Variants in MYO1D observed in about 807,000 individuals in gnomAD.
The protein encoded by MYO1D is myosin ID.
A neutral mutation model predicts 122.0 loss-of-function variants in MYO1D; 83 were observed. That is an observed-to-expected ratio of 0.68 (90% CI 0.57 to 0.82). The LOEUF (loss-of-function observed/expected upper bound fraction) is 0.82, where lower values mean the gene tolerates loss of function less well. Among genes scored for constraint, MYO1D ranks in the 40% least tolerant of loss-of-function variants. MYO1D has a pLI of 0.00. For synonymous variants in MYO1D, 464 were observed against 446.9 expected, an observed-to-expected ratio of 1.04 and a Z score of -0.48; for missense variants, 1,157 against 1,269.5, an observed-to-expected ratio of 0.91 and a Z score of 1.35.
At position 32,649,045 on chromosome 17, in the gene MYO1D, C is replaced by T. The variant is rs146871914; in HGVS notation, c.2595+4798G>A. ...ATCACTTTATGGTATAAAAACCATA[C>T]GACAGTATATTTCCATTTCCCCCAT... On this transcript the variant is annotated intron_variant, in intron 19 of 21. Coordinates refer to ENST00000318217, the MANE Select transcript of MYO1D (RefSeq NM_015194.3). Among the ~76,000 whole-genome samples the T allele has an allele frequency of 5.8e-4, 88 of 152,186 alleles. 1 individual carries two copies. Among genetic ancestry groups the T allele is most frequent in the African/African-American group, 6.5e-4 (27 of 41,530 alleles).
At chr17:32,710,771 G>T (rs745902445) in intron 16 of MYO1D, among the ~76,000 whole-genome samples, 7 of 152,154 alleles carry the variant, frequency 4.6e-5, no homozygotes, top group Admixed American at 6.5e-5. Flanking sequence ...AACAAAGTAT[G>T]AATAGACAGT....
chr17:32,611,286 A>G (rs2150918764), intron 20 of MYO1D, among the ~76,000 whole-genome samples: 1 of 152,392 alleles, frequency 6.6e-6, no homozygotes, highest in African/African-American at 2.4e-5. Flanking sequence ...CGAAAAGACA[A>G]ATATGATAAA....
At position 32,492,916 on chromosome 17, in the gene MYO1D, G is replaced by GC; in HGVS notation, c.*1842dup. ...GAGGCCCTGGCGCTGGGGCTAAGGG[G>GC]CCCAAGGCACCATCCAAAGGCTGGG... is the stretch of plus-strand genomic sequence containing the variant. On this transcript the variant is annotated 3_prime_UTR_variant, in exon 22 of 22. Coordinates refer to ENST00000318217, the MANE Select transcript of MYO1D (RefSeq NM_015194.3). 6.6e-6 allele frequency: 1 copy of GC among 152,666 alleles called. No individual in the cohort carries two copies. The highest frequency in any genetic ancestry group is 3.4e-3 in the Middle Eastern group (1 of 294). 9.5% of individuals were successfully genotyped at this position (152,666 alleles called of 1,614,324 possible).
At chr17:32,807,636 C>T (rs2090528210) in intron 1 of MYO1D, among the ~76,000 whole-genome samples, 1 of 152,220 alleles carries the variant, frequency 6.6e-6, no homozygotes, top group African/African-American at 2.4e-5. Flanking sequence ...GATACACACA[C>T]ACTTCTGGGC....
At chr17:32,821,534 TCACACATA>T (rs963480285) in intron 1 of MYO1D, among the ~76,000 whole-genome samples, 5 of 143,146 alleles carry the variant, frequency 3.5e-5, no homozygotes, top group African/African-American at 7.6e-5. Context: ...GATAAGTAAA[TCACACATA>T]CACACACACA....
intron 14 of MYO1D, among the ~76,000 whole-genome samples, chr17:32,725,911 A>T (rs769097101): frequency 3.3e-5 from 5 of 152,362 alleles, no homozygotes; most frequent in Non-Finnish European, 7.3e-5. Flanking sequence ...ACTTCTCAAA[A>T]GAAACTATGA....
intron 20 of MYO1D, among the ~76,000 whole-genome samples, chr17:32,617,661 G>T (rs1253360407): frequency 1.3e-5 from 2 of 152,064 alleles, no homozygotes; most frequent in East Asian, 3.9e-4. Context: ...GGCTGGTCTC[G>T]AACTCTTAGC....
intron 15 of MYO1D, among the ~76,000 whole-genome samples, chr17:32,712,424 C>T (rs779896190): frequency 6.6e-6 from 1 of 152,166 alleles, no homozygotes; most frequent in East Asian, 1.9e-4. Context: ...CAAGCTCATA[C>T]AGTCTATTTG....
chr17:32,717,235 T>C (rs776836706), intron 15 of MYO1D, among the ~76,000 whole-genome samples: 4 of 152,248 alleles, frequency 2.6e-5, no homozygotes, highest in African/African-American at 9.6e-5. Context: ...ACTATTATTA[T>C]AACTCACTTG....
At chr17:32,777,918 A>C (rs564483846) in intron 3 of MYO1D, among the ~76,000 whole-genome samples, 1 of 152,290 alleles carries the variant, frequency 6.6e-6, no homozygotes, top group Admixed American at 6.5e-5. Context: ...TGGGCCACAG[A>C]GCGAGACTCC....
chr17:32,796,639 C>G (rs1364320526), intron 1 of MYO1D, among the ~76,000 whole-genome samples: 1 of 152,186 alleles, frequency 6.6e-6, no homozygotes. Flanking sequence ...TTCTCGAACT[C>G]CTAAGCTCAA....
intron 1 of MYO1D, among the ~76,000 whole-genome samples, chr17:32,870,505 T>C (rs1395566636): frequency 3.3e-5 from 5 of 151,766 alleles, no homozygotes; most frequent in Non-Finnish European, 7.4e-5. Flanking sequence ...TATGTGTGTG[T>C]CTGTTTCCTG....
chr17:32,671,545 T>C (rs1030630959), intron 16 of MYO1D, among the ~76,000 whole-genome samples: 38 of 152,260 alleles, frequency 2.5e-4, no homozygotes, highest in African/African-American at 9.2e-4. Context: ...CTTTAAGGGA[T>C]AGTGGAGAAC....
At chr17:32,813,811 A>G (rs73283733) in intron 1 of MYO1D, among the ~76,000 whole-genome samples, 2,184 of 152,264 alleles carry the variant, frequency 0.014, 54 homozygotes, top group African/African-American at 0.047. Context: ...AGAAACCTAC[A>G]CTAGAGCATG....
At chr17:32,836,761 C>T (rs1449807235) in intron 1 of MYO1D, among the ~76,000 whole-genome samples, 1 of 152,068 alleles carries the variant, frequency 6.6e-6, no homozygotes, top group Non-Finnish European at 1.5e-5. Flanking sequence ...TTAATTATTA[C>T]ATTAGATTAT....
At chr17:32,756,642 A>T (rs2089950190) in intron 10 of MYO1D, among the ~76,000 whole-genome samples, 2 of 152,036 alleles carry the variant, frequency 1.3e-5, no homozygotes, top group Non-Finnish European at 2.9e-5. Flanking sequence ...CCAAAAGAGC[A>T]TTTCTTTTGG....
At chr17:32,620,732 T>G (rs1216858544) in intron 20 of MYO1D, among the ~76,000 whole-genome samples, 1 of 152,172 alleles carries the variant, frequency 6.6e-6, no homozygotes, top group Admixed American at 6.5e-5. Context: ...AGGCCCAACT[T>G]CTTATTCTAG....
intron 1 of MYO1D, among the ~76,000 whole-genome samples, chr17:32,854,006 G>A (rs903265776): frequency 6.6e-6 from 1 of 152,178 alleles, no homozygotes; most frequent in Non-Finnish European, 1.5e-5. Flanking sequence ...ACACTTGAAA[G>A]TCACCTTTCA....
chr17:32,564,964 G>A (rs769462586), intron 21 of MYO1D, among the ~76,000 whole-genome samples: 11 of 152,282 alleles, frequency 7.2e-5, no homozygotes, highest in Non-Finnish European at 1.6e-4. Context: ...GCTTCATAAT[G>A]CATATAACTA....
Sources: allele counts gnomAD v4.1 joint callset (sites outside exome capture counted in the v4.1 genomes callset), GRCh38; gene constraint gnomAD v4.1.1; transcripts MANE v1.5; gene names NCBI Gene and HGNC (gene_info 2026-07-23, HGNC 2026-07-21).